The following SKIC3 variants were observed in gnomAD, a reference collection of about 807,000 sequenced individuals.
SKIC3 encodes superkiller complex protein 3.
At chr5:95,553,164 A>G in the SKIC3 span, among the ~76,000 whole-genome samples, 18 of 148,674 alleles carry the variant, frequency 1.2e-4, no homozygotes, top group Non-Finnish European at 2.5e-4. Context: ...TTCCAGCACA[A>G]CGTCTCTAAG....
the SKIC3 span, chr5:95,520,857 T>A: frequency 2.2e-6 from 3 of 1,377,528 alleles, no homozygotes; most frequent in African/African-American, 4.3e-5. Context: ...TTAAAACATA[T>A]AAAATAAACA....
chr5:95,498,712 G>A, the SKIC3 span: 47 of 904,048 alleles, frequency 5.2e-5, no homozygotes, highest in Non-Finnish European at 7.0e-5. Flanking sequence ...TGCAAGCTCC[G>A]CCTCCCAGGT....
At chr5:95,517,384 CTGAT>C in the SKIC3 span, 19 of 1,548,554 alleles carry the variant, frequency 1.2e-5, no homozygotes, top group Non-Finnish European at 1.6e-5. Flanking sequence ...GTTTATCTCC[CTGAT>C]TATTACTTAA....
chr5:95,538,021 A>G, the SKIC3 span, among the ~76,000 whole-genome samples: 1 of 152,146 alleles, frequency 6.6e-6, no homozygotes. Context: ...CAAATGAAAA[A>G]TCTGTAATAC....
chr5:95,494,198 G>A, the SKIC3 span, among the ~76,000 whole-genome samples: 3 of 152,156 alleles, frequency 2.0e-5, no homozygotes, highest in African/African-American at 2.4e-5. Flanking sequence ...GTATCATTAA[G>A]CAGACATTCC....
chr5:95,551,638 G>A, the SKIC3 span, among the ~76,000 whole-genome samples: 1 of 152,134 alleles, frequency 6.6e-6, no homozygotes, highest in African/African-American at 2.4e-5. Flanking sequence ...TTATCACTCA[G>A]TCACTTCAAC....
the SKIC3 span, chr5:95,523,560 CTAAT>C: frequency 7.1e-7 from 1 of 1,417,786 alleles, no homozygotes; most frequent in East Asian, 2.5e-5. Flanking sequence ...AGAAAAAAAA[CTAAT>C]GATAACTTTC....
the SKIC3 span, among the ~76,000 whole-genome samples, chr5:95,533,111 A>C: frequency 3.7e-4 from 56 of 152,244 alleles, no homozygotes; most frequent in Middle Eastern, 3.4e-3. Context: ...CCCCCATTTC[A>C]GTAACAAAGC....
At chr5:95,484,808 G>A in the SKIC3 span, 47 of 1,613,834 alleles carry the variant, frequency 2.9e-5, no homozygotes, top group Admixed American at 5.0e-5. Flanking sequence ...ACTTTTCAAG[G>A]GACTGGTTGT....
At chr5:95,512,597 C>T in the SKIC3 span, 1 of 1,613,966 alleles carries the variant, frequency 6.2e-7, no homozygotes, top group Admixed American at 1.7e-5. Context: ...ACCCAATACG[C>T]ATAACCTAAT....
the SKIC3 span, among the ~76,000 whole-genome samples, chr5:95,475,738 T>A: frequency 6.6e-6 from 1 of 152,222 alleles, no homozygotes; most frequent in Non-Finnish European, 1.5e-5. Flanking sequence ...AGGATCTTTA[T>A]GTGAAGGTGA....
the SKIC3 span, chr5:95,517,035 T>G: frequency 1.2e-6 from 2 of 1,613,672 alleles, no homozygotes; most frequent in Non-Finnish European, 1.7e-6. Flanking sequence ...GATGTAGACA[T>G]CAGTTTTAAT....
the SKIC3 span, chr5:95,464,538 A>G: frequency 7.6e-6 from 9 of 1,179,462 alleles, no homozygotes; most frequent in Admixed American, 1.5e-4. Context: ...TGCTTTGGGT[A>G]GAAGTCTTGA....
the SKIC3 span, among the ~76,000 whole-genome samples, chr5:95,480,504 T>C: frequency 1.3e-5 from 2 of 152,142 alleles, no homozygotes; most frequent in South Asian, 2.1e-4. Context: ...CACTACAATA[T>C]ATTATTACCT....
chr5:95,478,569 T>C, the SKIC3 span: 3 of 1,311,424 alleles, frequency 2.3e-6, no homozygotes, highest in East Asian at 7.5e-5. Context: ...GTAAGTTCTG[T>C]GCCCAAAAAA....
At chr5:95,486,989 T>C in the SKIC3 span, among the ~76,000 whole-genome samples, 3 of 152,202 alleles carry the variant, frequency 2.0e-5, no homozygotes, top group African/African-American at 7.2e-5. Flanking sequence ...TGGGTGTGTC[T>C]GTGTGGGTGT....
chr5:95,475,246 G>T, the SKIC3 span, among the ~76,000 whole-genome samples: 38,029 of 151,988 alleles, frequency 0.25, 6,526 homozygotes, highest in African/African-American at 0.48. Flanking sequence ...ATGGCTTGGA[G>T]CTGTGTCCCA....
the SKIC3 span, chr5:95,491,065 T>A: frequency 6.2e-7 from 1 of 1,613,146 alleles, no homozygotes; most frequent in Non-Finnish European, 8.5e-7. Context: ...CAGTGATAAG[T>A]CTTGTTAAAA....
the SKIC3 span, among the ~76,000 whole-genome samples, chr5:95,485,874 A>G: frequency 6.6e-6 from 1 of 152,194 alleles, no homozygotes; most frequent in Non-Finnish European, 1.5e-5. Context: ...AAGTGACAGG[A>G]AACACCAAAA....
Sources: allele counts gnomAD v4.1 joint callset (sites outside exome capture counted in the v4.1 genomes callset), GRCh38; gene constraint gnomAD v4.1.1; transcripts MANE v1.5; gene names NCBI Gene and HGNC (gene_info 2026-07-23, HGNC 2026-07-21).